The following HEATR5B variants were observed in gnomAD, a reference collection of about 807,000 sequenced individuals.
The protein encoded by HEATR5B is HEAT repeat containing 5B.
Under a neutral mutation model 224.1 loss-of-function variants are expected in HEATR5B, and 156 were observed. The observed-to-expected ratio is 0.70, with a 90% confidence interval of 0.61 to 0.80. The LOEUF is 0.80. Ranked by LOEUF, HEATR5B falls within the 30% of genes least tolerant of loss-of-function variation. The probability of loss-of-function intolerance (pLI) is 0.00; values close to 1 mark genes in which losing one functional copy is unlikely to be tolerated. For synonymous variants in HEATR5B, 1,027 were observed against 893.0 expected, an observed-to-expected ratio of 1.15 and a Z score of -2.68; for missense variants, 2,323 against 2,535.5, an observed-to-expected ratio of 0.92 and a Z score of 1.80.
At position 37,060,635 on chromosome 2, in the gene HEATR5B, C is replaced by T. The variant is rs1671226153; in HGVS notation, c.1795G>A (p.Gly599Ser). 6.2e-7 allele frequency: 1 copy of T among 1,613,914 alleles called. No individual in the cohort carries two copies. Among genetic ancestry groups the T allele is most frequent in the Non-Finnish European group, 8.5e-7 (1 of 1,179,958 alleles). Residue 599 changes from glycine to serine, a missense_variant, in exon 12 of 36, where the codon GGC becomes AGC. Transcript: ENST00000233099. ...GTTACCTGCCAGGTAAAAGAATCGC[C>T]TCGGGCCTTCTCAGCTTCCAATTCC... ...LKELEAEKAR[G>S]DSFTWQVTLE...
In HEATR5B at chr2:37,037,998, G is replaced by C; in HGVS notation, c.3073C>G (p.Arg1025Gly). Residue 1025 changes from arginine to glycine, a missense_variant, in exon 21 of 36, where the codon CGT (arginine) becomes GGT (glycine). Arg to Gly is a moderately radical substitution (Grantham distance 125, BLOSUM62 -2). Around this residue, in one of 12 missense-constraint regions of HEATR5B, gnomAD observed 88 missense variants for 86.8 expected, o/e 1.01. Coordinates refer to ENST00000233099, the MANE Select transcript of HEATR5B (RefSeq NM_019024.3). ...QGNGATTSTIRSSCLVGCAIT... is the reference protein window; with the variant it reads ...QGNGATTSTIGSSCLVGCAIT... ...GCACAACCCACCAAACAAGAGGAAC[G>C]AATTGTAGAAGTTGTTGCTCCATTC... is the stretch of plus-strand genomic sequence containing the variant. 6.4e-7 allele frequency: 1 copy of C among 1,568,102 alleles called. No homozygotes were observed. Among genetic ancestry groups the C allele is most frequent in the South Asian group, 1.2e-5 (1 of 82,264 alleles).
At chr2:37,059,455 TATATA>T (rs1558358678) in intron 12 of HEATR5B, among the ~76,000 whole-genome samples, 29 of 107,844 alleles carry the variant, frequency 2.7e-4, no homozygotes, top group South Asian at 7.1e-4. Flanking sequence ...TGTATATATA[TATATA>T]TATATTTTTT....
intron 23 of HEATR5B, 36 bp downstream of exon 23, chr2:37,028,645 T>C: frequency 6.3e-7 from 1 of 1,587,402 alleles, no homozygotes; most frequent in Non-Finnish European, 8.6e-7. Context: ...AGTAAAACAA[T>C]TTCCATTATT....
intron 14 of HEATR5B, 69 bp from the exon 15 acceptor site, chr2:37,057,549 A>C: frequency 2.0e-6 from 2 of 1,011,622 alleles, no homozygotes; most frequent in Non-Finnish European, 2.9e-6. Context: ...ATTGCCCACA[A>C]AGAGCTGCAA....
At chr2:37,009,225 T>A (rs1242208268) in intron 27 of HEATR5B, among the ~76,000 whole-genome samples, 1 of 124,024 alleles carries the variant, frequency 8.1e-6, no homozygotes, top group Non-Finnish European at 1.6e-5. Context: ...GCTGCTGCAC[T>A]CCAGCCTGGT....
In HEATR5B at chr2:37,000,685, C is replaced by A. The variant is rs1218815562; in HGVS notation, c.5446G>T (p.Val1816Leu). 6.2e-7 allele frequency: 1 copy of A among 1,614,114 alleles called. No homozygotes were observed. Residue 1816 changes from valine to leucine, a missense_variant, in exon 33 of 36, where the codon GTG (valine) becomes TTG (leucine). This residue lies in a region of HEATR5B where 844 missense variants were observed against 812.9 expected (regional missense o/e 1.04). Coordinates refer to ENST00000233099, the MANE Select transcript of HEATR5B (RefSeq NM_019024.3). ...TCAGTTTTGGCCATTGAAAGTGTCA[C>A]AATACTTTTAATCCCTTGAAGAGCT... The part of the protein sequence containing the change: ...SAALQGIKSI[V>L]TLSMAKTEAG...
At chr2:37,082,452 G>A (rs1177757246) in intron 2 of HEATR5B, among the ~76,000 whole-genome samples, 1 of 152,094 alleles carries the variant, frequency 6.6e-6, no homozygotes, top group Non-Finnish European at 1.5e-5. Context: ...TTGGGAACTG[G>A]CTCCAAAACT....
At chr2:37,064,572 T>C (rs192179918) in intron 10 of HEATR5B, among the ~76,000 whole-genome samples, 168 bp downstream of exon 10, 173 of 152,246 alleles carry the variant, frequency 1.1e-3, no homozygotes, top group Middle Eastern at 6.8e-3. Flanking sequence ...CAGAATTAAA[T>C]ATCAAATTAT....
chr2:37,026,805 T>C (rs920660500), intron 24 of HEATR5B, among the ~76,000 whole-genome samples: 2 of 152,182 alleles, frequency 1.3e-5, no homozygotes, highest in African/African-American at 4.8e-5. Context: ...GTTTTACAGT[T>C]TGTATGTTTT....
In HEATR5B at chr2:37,013,932, T is replaced by G; in HGVS notation, c.4193A>C (p.Lys1398Thr). Residue 1398 changes from lysine to threonine, a missense_variant, in exon 27 of 36, where the codon AAA becomes ACA. Lys to Thr is a moderately conservative substitution (Grantham distance 78). Coordinates refer to ENST00000233099, the MANE Select transcript of HEATR5B (RefSeq NM_019024.3). The part of the protein sequence containing the change: ...VHNLLVSSLD[K>T]VQAGKGSSSQ... ...GGAAGATCCTTTTCCAGCCTGAACT[T>G]TGTCCAGAGAAGAAACAAGAAGATT... 6.2e-7 allele frequency: 1 copy of G among 1,613,242 alleles called. No individual in the cohort carries two copies.
In HEATR5B at chr2:37,019,874, C is replaced by T; in HGVS notation, c.4039G>A (p.Gly1347Arg). The change falls in exon 26 of 36, where the codon GGA becomes AGA. Residue 1347 changes from glycine to arginine, a missense_variant. Physicochemically the swap from Gly to Arg is moderately radical, Grantham distance 125. Transcript: ENST00000233099. ...GAAAAGGCTGGTCTTAGAGCAGCTC[C>T]CACCTAGAAAAATAAATAAAGCATT... ...VILEQYQANV[G>R]AALRPAFSQD... is the part of the protein sequence containing the mutation. 6.3e-7 allele frequency: 1 copy of T among 1,596,270 alleles called. No individual in the cohort carries two copies. Among genetic ancestry groups the T allele is most frequent in the Non-Finnish European group, 8.6e-7 (1 of 1,169,260 alleles).
chr2:36,985,178 G>A lies in HEATR5B; in HGVS notation c.5912-3384C>T, dbSNP rs144349513. Reference sequence around the variant, plus strand: ...GGAATCATGTAACTATGTAAAATATGAAGTGAAGTATAAAAATGTTGCCAT... The same window carrying A: ...GGAATCATGTAACTATGTAAAATATAAAGTGAAGTATAAAAATGTTGCCAT... On this transcript the variant is annotated intron_variant, in intron 35 of 35. Transcript: ENST00000233099. Among the ~76,000 whole-genome samples the A allele has an allele frequency of 2.3e-3, 344 of 152,222 alleles. 3 individuals are homozygous for A. The highest frequency in any genetic ancestry group is 7.8e-3 in the African/African-American group (324 of 41,548).
intron 33 of HEATR5B, among the ~76,000 whole-genome samples, chr2:36,996,006 C>A (rs1291910304): frequency 6.6e-6 from 1 of 151,782 alleles, no homozygotes; most frequent in African/African-American, 2.4e-5. Context: ...CCACCTCAGC[C>A]TTCTGAGTAG....
At chr2:37,078,986 C>T (rs1672390857) in intron 3 of HEATR5B, 134 bp downstream of exon 3, 4 of 575,560 alleles carry the variant, frequency 6.9e-6, no homozygotes, top group Non-Finnish European at 1.2e-5. Context: ...ACTCGATCCA[C>T]TTAGAGCTCT....
At chr2:37,042,545 G>A (rs538015533) in intron 18 of HEATR5B, among the ~76,000 whole-genome samples, 2 of 152,316 alleles carry the variant, frequency 1.3e-5, no homozygotes, top group East Asian at 1.9e-4. Flanking sequence ...AGTTTGTGAG[G>A]ACAATGCCGT....
intron 10 of HEATR5B, among the ~76,000 whole-genome samples, chr2:37,063,516 A>G (rs2541009): frequency 0.73 from 111,672 of 152,016 alleles, 41,684 homozygotes; most frequent in African/African-American, 0.86. Context: ...TGAAAGTGGT[A>G]TGAGGAAGAT....
At chr2:37,020,318 G>C (rs573483767) in intron 25 of HEATR5B, among the ~76,000 whole-genome samples, 1 of 152,224 alleles carries the variant, frequency 6.6e-6, no homozygotes, top group East Asian at 1.9e-4. Context: ...TAAAAATAAC[G>C]GCAGCAAATC....
chr2:37,046,592 T>C (rs56157221), intron 18 of HEATR5B, among the ~76,000 whole-genome samples: 22,341 of 149,230 alleles, frequency 0.15, 1,788 homozygotes, highest in Non-Finnish European at 0.16. Context: ...TGAGCTGAGA[T>C]TGCACCACTG....
At chr2:37,059,464 A>ATT (rs35615621) in intron 12 of HEATR5B, among the ~76,000 whole-genome samples, 9,288 of 65,416 alleles carry the variant, frequency 0.14, 1,122 homozygotes, top group Non-Finnish European at 0.16. Context: ...ATATATATAT[A>ATT]TTTTTTTTTT....
Sources: gnomAD v4.1 joint callset for allele counts (sites outside exome capture counted in the v4.1 genomes callset) on GRCh38, gnomAD v4.1.1 for gene constraint, gnomAD v4.1.1 regional missense constraint, MANE v1.5 for transcripts, NCBI Gene and HGNC (gene_info 2026-07-23, HGNC 2026-07-21) for gene names.